SHTN1: variants seen among roughly 807,000 people sequenced by gnomAD.
SHTN1 encodes shootin-1.
Under a neutral mutation model 83.1 loss-of-function variants are expected in SHTN1, and 42 were observed. The ratio of observed to expected loss-of-function variants is 0.51; its 90% CI spans 0.39 to 0.65. The LOEUF (loss-of-function observed/expected upper bound fraction) is 0.65, where lower values mean the gene tolerates loss of function less well. SHTN1 is among the 30% of genes least tolerant of loss of function. The pLI, the probability that SHTN1 is intolerant of heterozygous loss-of-function variation, is 0.00. For synonymous variants in SHTN1, 224 were observed against 247.7 expected, an observed-to-expected ratio of 0.90 and a Z score of 0.90; for missense variants, 622 against 737.8, an observed-to-expected ratio of 0.84 and a Z score of 1.82.
intron 1 of SHTN1, among the ~76,000 whole-genome samples, chr10:117,109,652 C>T (rs1269917078): frequency 7.2e-6 from 1 of 139,408 alleles, no homozygotes; most frequent in African/African-American, 2.7e-5. Flanking sequence ...GCAACCTCTG[C>T]CTCCCAGGTT....
At chr10:116,956,563 T>C (rs1849986400) in intron 4 of SHTN1, among the ~76,000 whole-genome samples, 2 of 152,230 alleles carry the variant, frequency 1.3e-5, no homozygotes, top group Non-Finnish European at 2.9e-5. Flanking sequence ...TTGGAAATCA[T>C]TTATCAGCTA....
chr10:116,925,044 C>A (rs952360951), intron 11 of SHTN1, among the ~76,000 whole-genome samples: 7 of 152,188 alleles, frequency 4.6e-5, no homozygotes, highest in Non-Finnish European at 8.8e-5. Flanking sequence ...GCGTGAGCCA[C>A]TGCGCCCGGC....
chr10:117,025,217 CT>C (rs1852314125), intron 2 of SHTN1, among the ~76,000 whole-genome samples: 1 of 152,194 alleles, frequency 6.6e-6, no homozygotes, highest in South Asian at 2.1e-4. Flanking sequence ...CACCCATCCC[CT>C]GGCAGCAGAG....
intron 2 of SHTN1, among the ~76,000 whole-genome samples, chr10:117,039,189 A>T (rs1852546224): frequency 6.6e-6 from 1 of 152,248 alleles, no homozygotes; most frequent in African/African-American, 2.4e-5. Context: ...ACCCATGAAA[A>T]GACATGGAGG....
At chr10:117,024,640 G>A (rs1365443281) in intron 2 of SHTN1, among the ~76,000 whole-genome samples, 1 of 152,032 alleles carries the variant, frequency 6.6e-6, no homozygotes, top group Non-Finnish European at 1.5e-5. Flanking sequence ...TTACAGGCGT[G>A]AGCCACCGCG....
intron 1 of SHTN1, among the ~76,000 whole-genome samples, chr10:117,066,337 C>T (rs534664845): frequency 3.3e-5 from 5 of 151,962 alleles, no homozygotes; most frequent in East Asian, 3.9e-4. Context: ...TATTATACAG[C>T]GATGAACAGA....
chr10:117,081,397 G>C (rs375110926), intron 1 of SHTN1, among the ~76,000 whole-genome samples: 1 of 134,846 alleles, frequency 7.4e-6, no homozygotes, highest in African/African-American at 2.8e-5. Flanking sequence ...ACTTGATCAT[G>C]GTGGATAAGC....
At chr10:117,028,059 G>A (rs1314380555) in intron 2 of SHTN1, among the ~76,000 whole-genome samples, 2 of 152,172 alleles carry the variant, frequency 1.3e-5, no homozygotes, top group Non-Finnish European at 2.9e-5. Flanking sequence ...GGAGGCCTCA[G>A]ATTAAAATGA....
In SHTN1 at chr10:116,900,753, G is replaced by T. The variant is rs1847702208; in HGVS notation, c.1673+1012C>A. On this transcript the variant is annotated intron_variant, in intron 16 of 16. Coordinates refer to ENST00000355371, the MANE Select transcript of SHTN1 (RefSeq NM_001127211.3). ...TGTTAGAACTGTTCAAATGACTCTA[G>T]TCAAAAGAAAGGAAACACATGACTA... The T allele has an allele frequency of 3.0e-6, 3 of 984,286 alleles. No individual in the cohort carries two copies. In the South Asian group the frequency reaches 1.4e-4, roughly 46 times the overall value. 61.0% of individuals were successfully genotyped at this position (984,286 alleles called of 1,614,324 possible). A position where few individuals can be genotyped will look rare whatever the true frequency, so the allele number is the denominator to read the frequency against.
chr10:117,094,663 A>G (rs1853481397), intron 1 of SHTN1, among the ~76,000 whole-genome samples: 1 of 152,220 alleles, frequency 6.6e-6, no homozygotes, highest in African/African-American at 2.4e-5. Flanking sequence ...CCCTGGTTTG[A>G]ACTTAGAAAG....
chr10:117,097,011 G>A lies in SHTN1; in HGVS notation c.-189+29296C>T, dbSNP rs183443574. Reference sequence around the variant, plus strand: ...TACAAACACCCAAGCGCGCACGCGCGCGCACACACACACACATAGACACAC... The same window carrying A: ...TACAAACACCCAAGCGCGCACGCGCACGCACACACACACACATAGACACAC... On this transcript the variant is annotated intron_variant, in intron 1 of 17. Coordinates refer to the SHTN1 transcript ENST00000392901. 2.0e-3 allele frequency among the ~76,000 whole-genome samples: 292 copies of A among 144,832 alleles called. 1 individual carries two copies. Among genetic ancestry groups the A allele is most frequent in the African/African-American group, 6.9e-3 (271 of 39,238 alleles).
At chr10:117,016,803 A>G (rs1418529374) in intron 2 of SHTN1, among the ~76,000 whole-genome samples, 2 of 152,242 alleles carry the variant, frequency 1.3e-5, no homozygotes, top group East Asian at 3.9e-4. Flanking sequence ...CTATGGTGCT[A>G]GAGAGATATC....
At chr10:116,987,515 G>GA (rs1320302550) in intron 1 of SHTN1, among the ~76,000 whole-genome samples, 1 of 152,014 alleles carries the variant, frequency 6.6e-6, no homozygotes, top group Non-Finnish European at 1.5e-5. Flanking sequence ...AAAAGACAAG[G>GA]AAAAAAACTG....
Position 116,887,561 on chromosome 10 carries a change from C to T in SHTN1, c.1674-995G>A, listed in dbSNP as rs1847205226. On this transcript the variant is annotated intron_variant, in intron 16 of 16. Coordinates refer to ENST00000355371, the MANE Select transcript of SHTN1 (RefSeq NM_001127211.3). ...GCTGCCAGCCAGTGCCTGCCCACTG[C>T]TCTACCAGCCCCTCACCAGGAGTTG... Among the ~76,000 whole-genome samples, 3 of 152,284 alleles carry T rather than the reference C, an allele frequency of 2.0e-5. No homozygotes were observed. In the South Asian group the frequency reaches 6.2e-4, roughly 32 times the overall value.
rs147996745 is a variant in SHTN1 at position 116,978,372 on chromosome 10, C to T, written c.111+884G>A. ...AATTTAGAGCAGTGATGGCTATCTTCTTCTTTAATATCTACAAAGGACCTG... is the reference window on the plus strand; with the variant it reads ...AATTTAGAGCAGTGATGGCTATCTTTTTCTTTAATATCTACAAAGGACCTG... On this transcript the variant is annotated intron_variant, in intron 2 of 16. Coordinates refer to ENST00000355371, the MANE Select transcript of SHTN1 (RefSeq NM_001127211.3). 3.1e-3 allele frequency among the ~76,000 whole-genome samples: 474 copies of T among 152,172 alleles called. 6 individuals are homozygous for T. Among genetic ancestry groups the T allele is most frequent in the Non-Finnish European group, 3.5e-3 (237 of 67,992 alleles).
chr10:117,012,821 TATTA>T (rs1852128865), intron 2 of SHTN1, among the ~76,000 whole-genome samples: 1 of 152,204 alleles, frequency 6.6e-6, no homozygotes, highest in South Asian at 2.1e-4. Flanking sequence ...ACAAATTACA[TATTA>T]ATTCACATTT....
At position 116,886,258 on chromosome 10, in the gene SHTN1, T is replaced by C; in HGVS notation, c.*86A>G. ...TCTGAATACAGTGACCAGAGCAGAA[T>C]GTCTACAGCCCTTGCCAATATAACA... On this transcript the variant is annotated 3_prime_UTR_variant, in exon 17 of 17. Transcript: ENST00000355371. 6.6e-7 allele frequency: 1 copy of C among 1,523,928 alleles called. No individual in the cohort carries two copies. The highest frequency in any genetic ancestry group is 2.5e-5 in the East Asian group (1 of 40,672). 94.4% of individuals were successfully genotyped at this position (1,523,928 alleles called of 1,614,324 possible). A position where few individuals can be genotyped will look rare whatever the true frequency, so the allele number is the denominator to read the frequency against.
chr10:116,953,269 T>C (rs2133424566), intron 5 of SHTN1, among the ~76,000 whole-genome samples: 1 of 152,344 alleles, frequency 6.6e-6, no homozygotes, highest in East Asian at 1.9e-4. Flanking sequence ...TGATCTTGCC[T>C]TACAACACTA....
In SHTN1 at chr10:117,005,112, G is replaced by A. The variant is rs760288164; in HGVS notation, c.-33C>T. ...GGTGGGGCCGGGAATAAAAGGGAAA[G>A]AGGGAGCGGCGCGGGGCACACAGGA... On this transcript the variant is annotated 5_prime_UTR_variant, in exon 1 of 17. Transcript: ENST00000355371. 1.3e-6 allele frequency: 2 copies of A among 1,577,448 alleles called. No individual in the cohort carries two copies. The highest frequency in any genetic ancestry group is 1.7e-6 in the Non-Finnish European group (2 of 1,161,052).
Sources: allele counts gnomAD v4.1 joint callset (sites outside exome capture counted in the v4.1 genomes callset), GRCh38; gene constraint gnomAD v4.1.1; transcripts MANE v1.5; gene names NCBI Gene and HGNC (gene_info 2026-07-23, HGNC 2026-07-21).